Variants in CCDC80 observed in about 807,000 individuals in gnomAD.
CCDC80 encodes the protein coiled-coil domain-containing protein 80.
Under a neutral mutation model 78.7 loss-of-function variants are expected in CCDC80, and 49 were observed. The ratio of observed to expected loss-of-function variants is 0.62; its 90% CI spans 0.50 to 0.79. The LOEUF (loss-of-function observed/expected upper bound fraction) is 0.79, where lower values mean the gene tolerates loss of function less well. Ranked by LOEUF, CCDC80 falls within the 30% of genes least tolerant of loss-of-function variation. The probability of loss-of-function intolerance (pLI) is 0.00; values close to 1 mark genes in which losing one functional copy is unlikely to be tolerated. For missense variants in CCDC80, 1,205 were observed against 1,198.6 expected (o/e 1.01, Z -0.08); for synonymous variants, 488 against 447.0 (o/e 1.09, Z -1.16).
chr3:112,627,017 A>G (rs767283070), intron 3 of CCDC80, among the ~76,000 whole-genome samples: 1 of 152,184 alleles, frequency 6.6e-6, no homozygotes, highest in Non-Finnish European at 1.5e-5. Flanking sequence ...CCCTTGCCCT[A>G]TTAAATGTCC....
In CCDC80 at chr3:112,599,965, A is replaced by G. The variant is rs1277519462; in HGVS notation, c.*5452T>C. The G allele has an allele frequency of 6.6e-6, 1 of 152,194 alleles. No homozygotes were observed. The highest frequency in any genetic ancestry group is 1.5e-5 in the Non-Finnish European group (1 of 68,036). 9.4% of individuals were successfully genotyped at this position (152,194 alleles called of 1,614,324 possible). On this transcript the variant is annotated 3_prime_UTR_variant, in exon 8 of 8. Coordinates refer to ENST00000206423, the MANE Select transcript of CCDC80 (RefSeq NM_199511.3). ...AATGCTTTTCTTTTTAAATACCATAATCCCATAATCTTTCTCAAAAATTAT... is the reference window on the plus strand; with the variant it reads ...AATGCTTTTCTTTTTAAATACCATAGTCCCATAATCTTTCTCAAAAATTAT...
Position 112,597,660 on chromosome 3 carries a change from C to G in CCDC80, c.*7757G>C, listed in dbSNP as rs751187613. ...AAACTGTGCCTGAACTGTGAGTATC[C>G]AGAAGCCATTGACCATGTTAATGGT... On this transcript the variant is annotated 3_prime_UTR_variant, in exon 8 of 8. Coordinates refer to ENST00000206423, the MANE Select transcript of CCDC80 (RefSeq NM_199511.3). 1 of 152,120 alleles carries G rather than the reference C, an allele frequency of 6.6e-6. No individual in the cohort carries two copies. Among genetic ancestry groups the G allele is most frequent in the South Asian group, 2.1e-4 (1 of 4,818 alleles). 9.4% of individuals were successfully genotyped at this position (152,120 alleles called of 1,614,324 possible).
rs1935799402 is a variant in CCDC80, at chr3:112,618,551, C to T, written c.2172+417G>A. ...CAAAATAATAAAAAAAAAACAACCCCAAACTCTTGTCCACATTGGATCAGG... is the reference window on the plus strand; with the variant it reads ...CAAAATAATAAAAAAAAAACAACCCTAAACTCTTGTCCACATTGGATCAGG... On this transcript the variant is annotated intron_variant, in intron 4 of 7. Transcript: ENST00000206423. 2.0e-5 allele frequency among the ~76,000 whole-genome samples: 3 copies of T among 151,790 alleles called. No individual in the cohort carries two copies. The South Asian group carries it at 6.2e-4, about 32-fold the overall frequency.
rs140487450 is a variant in CCDC80, at chr3:112,639,497, T to G, written c.409A>C (p.Ser137Arg). The G allele has an allele frequency of 6.2e-7, 1 of 1,614,084 alleles. No homozygotes were observed. ...AAGCTGGCAAGGATGTTGGGAGAGC[T>G]GGACCCCGAAGGGAAACGCAACATT... ...SRMLRFPSGSSSPNILASFAG... is the reference protein window; with the variant it reads ...SRMLRFPSGSRSPNILASFAG... The change falls in exon 2 of 8, where the codon AGC (serine) becomes CGC (arginine). Residue 137 changes from serine to arginine, a missense_variant. Transcript: ENST00000206423.
chr3:112,630,337 A>ATCATCTCTTT, intron 2 of CCDC80, 68 bp from the exon 3 acceptor site: 1 of 1,478,470 alleles, frequency 6.8e-7, no homozygotes, highest in Non-Finnish European at 9.4e-7. Context: ...CAAAACCCAA[A>ATCATCTCTTT]GAGATGATTT....
rs146607512 is a variant in CCDC80 at position 112,639,486 on chromosome 3, G to C, written c.420C>G (p.Asn140Lys). 2.2e-4 allele frequency: 349 copies of C among 1,614,208 alleles called. 1 individual carries two copies. In the African/African-American group the frequency reaches 4.1e-3, roughly 19 times the overall value. ...LRFPSGSSSP[N>K]ILASFAGKNR... ...TCTTCCCTGCAAAGCTGGCAAGGATGTTGGGAGAGCTGGACCCCGAAGGGA... is the reference window on the plus strand; with the variant it reads ...TCTTCCCTGCAAAGCTGGCAAGGATCTTGGGAGAGCTGGACCCCGAAGGGA... Residue 140 changes from asparagine (N) to lysine (K), a missense_variant, in exon 2 of 8, where the codon AAC (asparagine) becomes AAG (lysine). Transcript: ENST00000206423.
chr3:112,633,021 C>T (rs867968003), intron 2 of CCDC80, among the ~76,000 whole-genome samples: 4 of 152,198 alleles, frequency 2.6e-5, no homozygotes, highest in Non-Finnish European at 5.9e-5. Flanking sequence ...AGTTCAGCTC[C>T]TGGCTAGCTT....
chr3:112,637,940 G>C, intron 2 of CCDC80, 88 bp downstream of exon 2: 1 of 1,521,218 alleles, frequency 6.6e-7, no homozygotes. Context: ...CTGGCATCTA[G>C]CAATATGATT....
intron 2 of CCDC80, among the ~76,000 whole-genome samples, chr3:112,632,108 G>C (rs1457916741): frequency 6.6e-6 from 1 of 151,956 alleles, no homozygotes; most frequent in Non-Finnish European, 1.5e-5. Context: ...ATGTGGTGAT[G>C]GTATTTTTAG....
chr3:112,638,985 G>T lies in CCDC80; in HGVS notation c.921C>A (p.Gly307=), dbSNP rs1438867271. ...TTGGGTCCTCTTTCTTCTTCTCGCTGCCCAGGCTTGGCCTTCCTGCTCCCC... is the reference window on the plus strand; with the variant it reads ...TTGGGTCCTCTTTCTTCTTCTCGCTTCCCAGGCTTGGCCTTCCTGCTCCCC... The part of the protein sequence containing the change: ...GGGGAGRPSL[G]SEKKKEDPRR... The change falls in exon 2 of 8, where the codon GGC becomes GGA. Residue 307 remains glycine (G), a synonymous_variant. Coordinates refer to ENST00000206423, the MANE Select transcript of CCDC80 (RefSeq NM_199511.3). 6.2e-7 allele frequency: 1 copy of T among 1,611,712 alleles called. No individual in the cohort carries two copies. Among genetic ancestry groups the T allele is most frequent in the South Asian group, 1.1e-5 (1 of 91,070 alleles).
Position 112,639,383 on chromosome 3 carries a change from C to T in CCDC80, c.523G>A (p.Val175Met). Residue 175 changes from valine (V) to methionine (M), a missense_variant, in exon 2 of 8, where the codon GTG becomes ATG. Transcript: ENST00000206423. ...TGCCTCTCCGCCAGCTCACAGTACA[C>T]ATCGTCCTTCAGCAGGCTCATCATG... ...RLMMSLLKDD[V>M]YCELAERHIQ... 6.2e-7 allele frequency: 1 copy of T among 1,614,220 alleles called. No individual in the cohort carries two copies. The highest frequency in any genetic ancestry group is 8.5e-7 in the Non-Finnish European group (1 of 1,180,056).
chr3:112,639,182 G>A lies in CCDC80; in HGVS notation c.724C>T (p.Leu242=), dbSNP rs761086068. The stretch of plus-strand genomic sequence containing the variant: ...TATGGATAGCGCTCCTCCACCTGCA[G>A]CGTCTTCTTCAGCAGCACCATGCCA... ...KFGMVLLKKT[L]QVEERYPYPV... is the part of the protein sequence containing the mutation. The change falls in exon 2 of 8, where the codon CTG becomes TTG. Residue 242 remains leucine (L), a synonymous_variant. Coordinates refer to ENST00000206423, the MANE Select transcript of CCDC80 (RefSeq NM_199511.3). 3 of 1,614,162 alleles carry A rather than the reference G, an allele frequency of 1.9e-6. No homozygotes were observed. Among genetic ancestry groups the A allele is most frequent in the Non-Finnish European group, 2.5e-6 (3 of 1,180,030 alleles).
At chr3:112,636,219 C>A (rs188916798) in intron 2 of CCDC80, among the ~76,000 whole-genome samples, 1 of 152,248 alleles carries the variant, frequency 6.6e-6, no homozygotes, top group East Asian at 1.9e-4. Context: ...CAGTTTGCCC[C>A]CACAGGCTCC....
chr3:112,603,609 A>G lies in CCDC80; in HGVS notation c.*1808T>C, dbSNP rs1176750596. The G allele has an allele frequency of 2.0e-5, 3 of 149,192 alleles. No individual in the cohort carries two copies. Among genetic ancestry groups the G allele is most frequent in the African/African-American group, 7.3e-5 (3 of 40,828 alleles). 9.2% of individuals were successfully genotyped at this position (149,192 alleles called of 1,614,324 possible). On this transcript the variant is annotated 3_prime_UTR_variant, in exon 8 of 8. Coordinates refer to ENST00000206423, the MANE Select transcript of CCDC80 (RefSeq NM_199511.3). ...GATCAGTTCCAGACCACTATAATAT[A>G]TATATATATAGCTGTTCACTGACAA...
intron 2 of CCDC80, 59 bp downstream of exon 2, chr3:112,637,969 C>CAGACA: frequency 6.5e-7 from 1 of 1,538,600 alleles, no homozygotes; most frequent in Non-Finnish European, 8.7e-7. Flanking sequence ...ACTAACAAGA[C>CAGACA]AGACGTTAAC....
At chr3:112,616,675 C>T (rs1021545273) in intron 5 of CCDC80, 35 bp downstream of exon 5, 2 of 1,612,262 alleles carry the variant, frequency 1.2e-6, no homozygotes, top group African/African-American at 2.7e-5. Flanking sequence ...AACAAATTTG[C>T]ACCTTCCTCT....
chr3:112,624,004 A>G (rs978651538), intron 3 of CCDC80, among the ~76,000 whole-genome samples: 1 of 152,172 alleles, frequency 6.6e-6, no homozygotes, highest in African/African-American at 2.4e-5. Context: ...ACATCCTTTC[A>G]GGCTGGCACA....
chr3:112,635,191 T>C (rs546422328), intron 2 of CCDC80, among the ~76,000 whole-genome samples: 67 of 152,292 alleles, frequency 4.4e-4, no homozygotes, highest in African/African-American at 1.1e-3. Flanking sequence ...TACGTCCACA[T>C]CTAAAGAATG....
intron 6 of CCDC80, among the ~76,000 whole-genome samples, chr3:112,609,483 A>C (rs1023202973): frequency 3.9e-5 from 6 of 152,154 alleles, no homozygotes; most frequent in Admixed American, 1.3e-4. Context: ...AAATTCTTTC[A>C]CTAAGTCTTC....
Sources: gnomAD v4.1 joint callset for allele counts (sites outside exome capture counted in the v4.1 genomes callset) on GRCh38, gnomAD v4.1.1 for gene constraint, MANE v1.5 for transcripts, NCBI Gene and HGNC (gene_info 2026-07-23, HGNC 2026-07-21) for gene names.